The following HMGCLL1 variants were observed in gnomAD, a reference collection of about 807,000 sequenced individuals.
HMGCLL1 encodes 3-hydroxy-3-methylglutaryl-CoA lyase like 1, also known as 3-hydroxymethyl-3-methylglutaryl-CoA lyase, cytoplasmic.
A neutral mutation model predicts 39.1 loss-of-function variants in HMGCLL1; 36 were observed. The ratio of observed to expected loss-of-function variants is 0.92; its 90% CI spans 0.71 to 1.22. The LOEUF (loss-of-function observed/expected upper bound fraction) is 1.22, where lower values mean the gene tolerates loss of function less well. Ranked by LOEUF, HMGCLL1 falls within the 50% of genes most tolerant of loss-of-function variation. The pLI is 0.00. For synonymous variants in HMGCLL1, 149 were observed against 144.0 expected (o/e 1.03, Z -0.25); for missense variants, 451 against 416.5 (o/e 1.08, Z -0.72).
At chr6:55,608,846 G>C in the HMGCLL1 span, among the ~76,000 whole-genome samples, 1 of 152,224 alleles carries the variant, frequency 6.6e-6, no homozygotes, top group Non-Finnish European at 1.5e-5. Context: ...AACCAAAGCA[G>C]TGTGCGAATC....
chr6:55,495,763 C>T (rs1439499456), intron 6 of HMGCLL1, among the ~76,000 whole-genome samples, 156 bp from the exon 7 acceptor site: 2 of 152,098 alleles, frequency 1.3e-5, no homozygotes, highest in Non-Finnish European at 2.9e-5. Context: ...TTTTTCTTTG[C>T]TTATGATATT....
the HMGCLL1 span, among the ~76,000 whole-genome samples, chr6:55,663,460 G>A: frequency 2.0e-5 from 3 of 151,868 alleles, no homozygotes; most frequent in Non-Finnish European, 4.4e-5. Context: ...TCAATCAGGA[G>A]CACATTGTTT....
At chr6:55,512,022 T>C (rs1273400867) in intron 5 of HMGCLL1, 1 of 152,092 alleles carries the variant, frequency 6.6e-6, no homozygotes, top group African/African-American at 2.4e-5. Context: ...CACAGCACGA[T>C]TAGAAGTTTT....
chr6:55,542,922 GTTA>G (rs1164808495), intron 1 of HMGCLL1, among the ~76,000 whole-genome samples: 26 of 115,204 alleles, frequency 2.3e-4, no homozygotes, highest in South Asian at 8.1e-4. Flanking sequence ...TTATTAGATT[GTTA>G]TTATATTACT....
At chr6:55,669,080 A>C in the HMGCLL1 span, among the ~76,000 whole-genome samples, 1 of 151,508 alleles carries the variant, frequency 6.6e-6, no homozygotes, top group South Asian at 2.1e-4. Context: ...TGTGGAAACC[A>C]GAAAGTTCCA....
chr6:55,497,451 T>C (rs545465938), intron 6 of HMGCLL1, among the ~76,000 whole-genome samples: 3 of 152,176 alleles, frequency 2.0e-5, no homozygotes, highest in Non-Finnish European at 4.4e-5. Context: ...TTAATATGCA[T>C]TTCTTCAATA....
At chr6:55,586,709 T>C in the HMGCLL1 span, among the ~76,000 whole-genome samples, 2 of 152,058 alleles carry the variant, frequency 1.3e-5, no homozygotes, top group African/African-American at 4.8e-5. Context: ...TCCATGTCCC[T>C]ATAAAGGACA....
At chr6:55,536,276 A>G (rs1387116582) in intron 3 of HMGCLL1, among the ~76,000 whole-genome samples, 1 of 152,220 alleles carries the variant, frequency 6.6e-6, no homozygotes, top group African/African-American at 2.4e-5. Flanking sequence ...CATCTATTCC[A>G]ACAGTTAAAA....
intron 7 of HMGCLL1, among the ~76,000 whole-genome samples, chr6:55,457,381 A>G (rs1288963362): frequency 1.3e-5 from 2 of 152,202 alleles, no homozygotes; most frequent in Non-Finnish European, 2.9e-5. Context: ...GAAAATAAAT[A>G]AATAAATACA....
intron 1 of HMGCLL1, among the ~76,000 whole-genome samples, chr6:55,544,678 C>T (rs1769857680): frequency 6.6e-6 from 1 of 152,100 alleles, no homozygotes; most frequent in South Asian, 2.1e-4. Flanking sequence ...GGGTCCAGAG[C>T]TGTTATTGGT....
rs1416157626 is a variant in HMGCLL1, at chr6:55,569,017, G to C, written c.108+9931C>G. Among the ~76,000 whole-genome samples, 3 of 152,008 alleles carry C rather than the reference G, an allele frequency of 2.0e-5. 1 individual carries two copies. The highest frequency in any genetic ancestry group is 4.4e-5 in the Non-Finnish European group (3 of 67,990). ...GAAAAAAACAAGAACACAGAGTAGGGGGAGGGAAAGATGTGAAAGCCAGCT... is the reference window on the plus strand; with the variant it reads ...GAAAAAAACAAGAACACAGAGTAGGCGGAGGGAAAGATGTGAAAGCCAGCT... On this transcript the variant is annotated intron_variant, in intron 1 of 8. Coordinates refer to ENST00000274901, the MANE Select transcript of HMGCLL1 (RefSeq NM_001042406.2).
At chr6:55,554,352 A>G (rs1013422014) in intron 1 of HMGCLL1, among the ~76,000 whole-genome samples, 1 of 151,972 alleles carries the variant, frequency 6.6e-6, no homozygotes. Context: ...AAAGATCTAA[A>G]ATTTTTTAAA....
At chr6:55,601,023 A>T in the HMGCLL1 span, among the ~76,000 whole-genome samples, 6 of 152,186 alleles carry the variant, frequency 3.9e-5, no homozygotes, top group Non-Finnish European at 5.9e-5. Flanking sequence ...ATAAAAAATA[A>T]TTTTTAACAT....
chr6:55,522,299 A>G (rs1407577578), intron 3 of HMGCLL1, among the ~76,000 whole-genome samples: 1 of 151,954 alleles, frequency 6.6e-6, no homozygotes, highest in African/African-American at 2.4e-5. Flanking sequence ...ATAGGAATTA[A>G]TTTTTAACAT....
intron 7 of HMGCLL1, among the ~76,000 whole-genome samples, chr6:55,446,060 C>T (rs1763815731): frequency 6.6e-6 from 1 of 151,784 alleles, no homozygotes; most frequent in Non-Finnish European, 1.5e-5. Flanking sequence ...TAAGCACACT[C>T]TTTGTGCCAG....
chr6:55,516,656 G>T lies in HMGCLL1; in HGVS notation c.298-53C>A, dbSNP rs562548944. On this transcript the variant is annotated intron_variant, in intron 3 of 8. Transcript: ENST00000274901. ...TGTGTAACTTCGAATATGTTACCGA[G>T]AATCATTTTAGTTTCAGGTAGGTTA... 13 of 1,217,172 alleles carry T rather than the reference G, an allele frequency of 1.1e-5. No homozygotes were observed. In the Admixed American group the frequency reaches 1.9e-4, roughly 18 times the overall value. 75.4% of individuals were successfully genotyped at this position (1,217,172 alleles called of 1,614,324 possible). A position where few individuals can be genotyped will look rare whatever the true frequency, so the allele number is the denominator to read the frequency against.
chr6:55,659,569 C>T, the HMGCLL1 span, among the ~76,000 whole-genome samples: 1 of 151,852 alleles, frequency 6.6e-6, no homozygotes, highest in Non-Finnish European at 1.5e-5. Flanking sequence ...GTGATTTTTC[C>T]AGACTTCTCA....
intron 3 of HMGCLL1, among the ~76,000 whole-genome samples, chr6:55,527,605 T>G (rs529949505): frequency 6.6e-6 from 1 of 152,148 alleles, no homozygotes; most frequent in Admixed American, 6.6e-5. Flanking sequence ...TATTGAAAAT[T>G]TCGTTAAAAC....
chr6:55,515,471 G>A (rs62405367), intron 4 of HMGCLL1, among the ~76,000 whole-genome samples: 1 of 151,988 alleles, frequency 6.6e-6, no homozygotes, highest in Non-Finnish European at 1.5e-5. Flanking sequence ...TGTAAACTAA[G>A]TGTTGTTATG....
Sources: allele counts gnomAD v4.1 joint callset (sites outside exome capture counted in the v4.1 genomes callset), GRCh38; gene constraint gnomAD v4.1.1; transcripts MANE v1.5; gene names NCBI Gene and HGNC (gene_info 2026-07-23, HGNC 2026-07-21).